HSPA12A: variants seen among roughly 807,000 people sequenced by gnomAD.
HSPA12A encodes the protein heat shock 70 kDa protein 12A.
HSPA12A carries 28 observed loss-of-function variants against 69.2 expected under a neutral mutation model. The observed-to-expected ratio is 0.40, with a 90% CI of 0.30 to 0.55. The LOEUF is 0.55. HSPA12A is among the 20% of genes least tolerant of loss of function. The probability of loss-of-function intolerance (pLI) is 0.38; values close to 1 mark genes in which losing one functional copy is unlikely to be tolerated. For synonymous variants in HSPA12A, 345 were observed against 370.5 expected, an observed-to-expected ratio of 0.93 and a Z score of 0.79; for missense variants, 686 against 900.7, an observed-to-expected ratio of 0.76 and a Z score of 3.05.
intron 1 of HSPA12A, among the ~76,000 whole-genome samples, chr10:116,728,221 G>A (rs1366867548): frequency 6.6e-6 from 1 of 152,186 alleles, no homozygotes; most frequent in Non-Finnish European, 1.5e-5. Flanking sequence ...GATTACAGAT[G>A]TGAGCCACTA....
At chr10:116,824,386 A>G (rs1845461489) in intron 2 of HSPA12A, among the ~76,000 whole-genome samples, 1 of 152,256 alleles carries the variant, frequency 6.6e-6, no homozygotes, top group African/African-American at 2.4e-5. Context: ...CATATGCCCT[A>G]GCAATTCCAT....
intron 1 of HSPA12A, among the ~76,000 whole-genome samples, chr10:116,711,346 G>A (rs1004861099): frequency 5.7e-4 from 86 of 152,192 alleles, no homozygotes; most frequent in African/African-American, 2.0e-3. Context: ...CACAAATAGA[G>A]TTTCCTATAG....
intron 2 of HSPA12A, among the ~76,000 whole-genome samples, chr10:116,807,124 AAG>A (rs1845085021): frequency 6.6e-6 from 1 of 151,876 alleles, no homozygotes; most frequent in Admixed American, 6.6e-5. Context: ...CCAGAACTGG[AAG>A]AGAGTACATT....
chr10:116,751,177 C>T (rs75404889), intron 2 of HSPA12A: 5,367 of 236,828 alleles, frequency 0.023, 270 homozygotes, highest in African/African-American at 0.11. Context: ...GCAAAACTGT[C>T]CCAAAATGTC....
chr10:116,812,895 AAAGG>A (rs1845220268), intron 2 of HSPA12A, among the ~76,000 whole-genome samples: 3 of 152,168 alleles, frequency 2.0e-5, no homozygotes, highest in Admixed American at 1.3e-4. Context: ...ATTCCTCTAA[AAAGG>A]AAGGACAGAA....
At chr10:116,834,618 C>T (rs1176328962) in intron 2 of HSPA12A, among the ~76,000 whole-genome samples, 1 of 152,130 alleles carries the variant, frequency 6.6e-6, no homozygotes, top group Admixed American at 6.5e-5. Context: ...AGCACGAGGC[C>T]GGTAGGCTAC....
At chr10:116,776,923 G>A (rs547577749) in intron 2 of HSPA12A, among the ~76,000 whole-genome samples, 17 of 152,326 alleles carry the variant, frequency 1.1e-4, no homozygotes, top group African/African-American at 2.9e-4. Flanking sequence ...GACTAGGTTC[G>A]AGAATGGGAG....
At chr10:116,683,471 T>C in intron 7 of HSPA12A, 1 of 218,680 alleles carries the variant, frequency 4.6e-6, no homozygotes, top group Non-Finnish European at 8.9e-6. Flanking sequence ...AATCTGTTAA[T>C]ACACAAGAAA....
upstream of HSPA12A, among the ~76,000 whole-genome samples, chr10:116,743,674 C>G (rs1851582119): frequency 6.6e-6 from 1 of 152,168 alleles, no homozygotes; most frequent in Non-Finnish European, 1.5e-5. Context: ...CAATCCCGTT[C>G]TGGATGACGG....
At chr10:116,799,869 C>T (rs551253589) in intron 2 of HSPA12A, among the ~76,000 whole-genome samples, 94 of 152,314 alleles carry the variant, frequency 6.2e-4, no homozygotes, top group Non-Finnish European at 1.2e-3. Context: ...AGGCCCTGTT[C>T]CAGATGCTGG....
chr10:116,743,076 C>A (rs115846094), upstream of HSPA12A, among the ~76,000 whole-genome samples: 8 of 68,168 alleles, frequency 1.2e-4, no homozygotes, highest in African/African-American at 3.5e-4. Flanking sequence ...GGGCAGGACC[C>A]AGGCCGCAGA....
intron 2 of HSPA12A, among the ~76,000 whole-genome samples, chr10:116,766,566 T>G (rs1264153815): frequency 6.6e-6 from 1 of 152,184 alleles, no homozygotes; most frequent in Non-Finnish European, 1.5e-5. Flanking sequence ...GTCCCCTTCT[T>G]GGAGGCATTC....
At chr10:116,846,150 G>A (rs1845876421) in intron 1 of HSPA12A, among the ~76,000 whole-genome samples, 1 of 152,102 alleles carries the variant, frequency 6.6e-6, no homozygotes, top group African/African-American at 2.4e-5. Flanking sequence ...GAAGCTGACT[G>A]GGATGGTAGT....
intron 1 of HSPA12A, among the ~76,000 whole-genome samples, chr10:116,709,314 G>A (rs1850352994): frequency 6.6e-6 from 1 of 152,088 alleles, no homozygotes; most frequent in South Asian, 2.1e-4. Flanking sequence ...CAGGCGTGGT[G>A]GCACATGCCT....
intron 1 of HSPA12A, among the ~76,000 whole-genome samples, chr10:116,845,370 CAT>C (rs1845863742): frequency 6.6e-6 from 1 of 152,168 alleles, no homozygotes; most frequent in Non-Finnish European, 1.5e-5. Flanking sequence ...TTTTTACTGA[CAT>C]AGATGGATCT....
chr10:116,697,728 T>C (rs1564784177), intron 5 of HSPA12A, among the ~76,000 whole-genome samples: 1 of 152,184 alleles, frequency 6.6e-6, no homozygotes, highest in Non-Finnish European at 1.5e-5. Context: ...TTATAAAGTG[T>C]GTAGTTCAGT....
At chr10:116,835,059 G>A in intron 1 of HSPA12A, 1 of 1,197,088 alleles carries the variant, frequency 8.4e-7, no homozygotes, top group Non-Finnish European at 1.0e-6. Flanking sequence ...CTGTGAAAAT[G>A]TCGATTTGTT....
chr10:116,784,544 T>C (rs782185387), intron 2 of HSPA12A, among the ~76,000 whole-genome samples: 2 of 152,150 alleles, frequency 1.3e-5, no homozygotes, highest in Non-Finnish European at 2.9e-5. Flanking sequence ...TAAAGGTTTG[T>C]TGAGGGAATG....
intron 2 of HSPA12A, among the ~76,000 whole-genome samples, chr10:116,797,096 C>T (rs1179118558): frequency 5.3e-5 from 8 of 152,188 alleles, no homozygotes; most frequent in Admixed American, 6.5e-5. Context: ...GCTGAGAGCA[C>T]GCACTTGCTG....
Sources: allele counts gnomAD v4.1 joint callset (sites outside exome capture counted in the v4.1 genomes callset), GRCh38; gene constraint gnomAD v4.1.1; transcripts MANE v1.5; gene names NCBI Gene and HGNC (gene_info 2026-07-23, HGNC 2026-07-21).